Variants in TRPC7 observed in about 807,000 individuals in gnomAD.
TRPC7 encodes transient receptor potential cation channel subfamily C member 7.
In TRPC7, 42 loss-of-function variants were observed where a neutral mutation model predicts 90.1. That is an observed-to-expected ratio of 0.47 (90% CI 0.36 to 0.60). TRPC7 has a LOEUF of 0.60. Ranked by LOEUF, TRPC7 falls within the 20% of genes least tolerant of loss-of-function variation. The pLI is 0.00. For missense variants in TRPC7, 955 were observed against 1,112.3 expected (o/e 0.86, Z 2.01); for synonymous variants, 451 against 436.3 (o/e 1.03, Z -0.42).
At chr5:136,259,564 C>A (rs1448757080) in intron 5 of TRPC7, among the ~76,000 whole-genome samples, 1 of 152,238 alleles carries the variant, frequency 6.6e-6, no homozygotes, top group Non-Finnish European at 1.5e-5. Context: ...TGACCGCTTT[C>A]TGGGAACTAC....
At chr5:136,274,587 G>T in intron 4 of TRPC7, 86 bp downstream of exon 4, 2 of 1,315,154 alleles carry the variant, frequency 1.5e-6, no homozygotes, top group Non-Finnish European at 9.8e-7. Flanking sequence ...AAAATCAGCT[G>T]CTAATTTGAA....
intron 3 of TRPC7, among the ~76,000 whole-genome samples, chr5:136,292,630 T>A (rs1383829332): frequency 1.3e-5 from 2 of 152,116 alleles, no homozygotes; most frequent in African/African-American, 4.8e-5. Flanking sequence ...AATAACAGGC[T>A]CTGAAATTGA....
At chr5:136,318,622 T>C (rs1759100380) in intron 2 of TRPC7, among the ~76,000 whole-genome samples, 1 of 152,196 alleles carries the variant, frequency 6.6e-6, no homozygotes, top group African/African-American at 2.4e-5. Context: ...TTCATTTCCT[T>C]GACAGCCCAT....
chr5:136,283,484 C>T (rs558614414), intron 3 of TRPC7, among the ~76,000 whole-genome samples: 2 of 152,328 alleles, frequency 1.3e-5, no homozygotes, highest in South Asian at 4.1e-4. Flanking sequence ...GGCTCCAGGC[C>T]TGCATGAGTC....
In TRPC7 at chr5:136,315,732, G is replaced by C; in HGVS notation, c.828C>G (p.Gly276=). The change falls in exon 3 of 12, where the codon GGC becomes GGG. Residue 276 remains glycine (G), a synonymous_variant. Coordinates refer to ENST00000513104, the MANE Select transcript of TRPC7 (RefSeq NM_020389.3). ...LSMQCKDFVV[G]VLDLCRDTEE... is the part of the protein sequence containing the mutation. Reference sequence around the variant, plus strand: ...CTGTGTCTCGGCACAGGTCCAGCACGCCCACTACAAAATCCTTGCATTGCA... The same window carrying C: ...CTGTGTCTCGGCACAGGTCCAGCACCCCCACTACAAAATCCTTGCATTGCA... The C allele has an allele frequency of 6.2e-7, 1 of 1,613,976 alleles. No individual in the cohort carries two copies.
intron 2 of TRPC7, among the ~76,000 whole-genome samples, chr5:136,338,397 G>A (rs1314085443): frequency 6.6e-6 from 1 of 152,100 alleles, no homozygotes; most frequent in African/African-American, 2.4e-5. Context: ...ACAATAACTA[G>A]AGCTTGTATC....
At position 136,225,265 on chromosome 5, in the gene TRPC7, G is replaced by A. The variant is rs1168673361; in HGVS notation, c.2343+9C>T. 1 of 1,612,098 alleles carries A rather than the reference G, an allele frequency of 6.2e-7. No individual in the cohort carries two copies. The highest frequency in any genetic ancestry group is 1.7e-5 in the Admixed American group (1 of 59,828). On this transcript the variant is annotated intron_variant, in intron 10 of 11. Coordinates refer to ENST00000513104, the MANE Select transcript of TRPC7 (RefSeq NM_020389.3). Reference sequence around the variant, plus strand: ...CCCATGCTTGGATGCTTGGGAAAGGGGTGGTTACCTGGTATCTGGTGGGCT... The same window carrying A: ...CCCATGCTTGGATGCTTGGGAAAGGAGTGGTTACCTGGTATCTGGTGGGCT...
intron 7 of TRPC7, among the ~76,000 whole-genome samples, chr5:136,245,741 G>A (rs867810176): frequency 3.3e-5 from 5 of 152,210 alleles, no homozygotes; most frequent in Non-Finnish European, 1.5e-5. Context: ...AACTGAGTGG[G>A]TCTGGGGCAG....
At chr5:136,298,752 C>T (rs539994897) in intron 3 of TRPC7, among the ~76,000 whole-genome samples, 1 of 152,316 alleles carries the variant, frequency 6.6e-6, no homozygotes, top group South Asian at 2.1e-4. Context: ...TTTCTGAAAC[C>T]CTCTCTTAGC....
chr5:136,340,579 C>A (rs954756422), intron 2 of TRPC7, among the ~76,000 whole-genome samples: 1 of 151,662 alleles, frequency 6.6e-6, no homozygotes, highest in Non-Finnish European at 1.5e-5. Flanking sequence ...TTATTATTTA[C>A]CAATAAAAAT....
chr5:136,250,812 G>T (rs1756493976), intron 6 of TRPC7, among the ~76,000 whole-genome samples: 1 of 152,054 alleles, frequency 6.6e-6, no homozygotes, highest in Non-Finnish European at 1.5e-5. Context: ...ACCGAACTAG[G>T]ATTTGAATCC....
chr5:136,276,032 T>A lies in TRPC7; in HGVS notation c.964-1195A>T, dbSNP rs1488880132. 2.6e-5 allele frequency among the ~76,000 whole-genome samples: 4 copies of A among 152,334 alleles called. No individual in the cohort carries two copies. The East Asian group carries it at 7.7e-4, about 29-fold the overall frequency. On this transcript the variant is annotated intron_variant, in intron 3 of 11. Coordinates refer to ENST00000513104, the MANE Select transcript of TRPC7 (RefSeq NM_020389.3). Reference sequence around the variant, plus strand: ...TTTGTTTTTTGCTTGATCCAGCATATTGGCTTTAGTTGTTGCTACCAGAAC... The same window carrying A: ...TTTGTTTTTTGCTTGATCCAGCATAATGGCTTTAGTTGTTGCTACCAGAAC...
intron 5 of TRPC7, 114 bp downstream of exon 5, chr5:136,266,106 A>G: frequency 1.1e-6 from 1 of 930,770 alleles, no homozygotes; most frequent in Non-Finnish European, 1.7e-6. Context: ...TCCACTCACC[A>G]TTTTGTCTAT....
chr5:136,291,899 A>T (rs1394845393), intron 3 of TRPC7, among the ~76,000 whole-genome samples: 1 of 152,054 alleles, frequency 6.6e-6, no homozygotes, highest in Non-Finnish European at 1.5e-5. Context: ...GAAGTAAAGC[A>T]CTCCTCAGCA....
intron 3 of TRPC7, among the ~76,000 whole-genome samples, chr5:136,299,340 CGTGTGTGTGTGTGTGTGTGTGTGTGT>C (rs529330866): frequency 8.2e-6 from 1 of 122,688 alleles, no homozygotes; most frequent in East Asian, 2.4e-4. Context: ...GGGGTGTGTG[CGTGTGTGTGTGTGTGTGTGTGTGTGT>C]GTGTGTGTGT....
Position 136,357,293 on chromosome 5 carries a change from A to G in TRPC7, c.95T>C (p.Met32Thr). ...CAGACTGGTGCCCTTCTCGTTGAACATGTAGGCGGGACCCCGGATGGCCTG... is the reference window on the plus strand; with the variant it reads ...CAGACTGGTGCCCTTCTCGTTGAACGTGTAGGCGGGACCCCGGATGGCCTG... ...RRQAIRGPAY[M>T]FNEKGTSLTP... is the part of the protein sequence containing the mutation. The change falls in exon 2 of 12, where the codon ATG (methionine) becomes ACG (threonine). Residue 32 changes from methionine (M) to threonine (T), a missense_variant. By Grantham distance (81) the Met-to-Thr change is moderately conservative (BLOSUM62 -1). Around this residue, in one of 4 missense-constraint regions of TRPC7, gnomAD observed 161 missense variants for 145.7 expected, o/e 1.10. Coordinates refer to ENST00000513104, the MANE Select transcript of TRPC7 (RefSeq NM_020389.3). 1 of 1,612,134 alleles carries G rather than the reference A, an allele frequency of 6.2e-7. No individual in the cohort carries two copies. Among genetic ancestry groups the G allele is most frequent in the Non-Finnish European group, 8.5e-7 (1 of 1,179,872 alleles).
At chr5:136,255,327 A>AT (rs1310768018) in intron 5 of TRPC7, among the ~76,000 whole-genome samples, 1 of 152,216 alleles carries the variant, frequency 6.6e-6, no homozygotes. Flanking sequence ...GTCTTAAGAA[A>AT]TTGCCACGGC....
At chr5:136,309,337 C>A (rs1758752407) in intron 3 of TRPC7, among the ~76,000 whole-genome samples, 1 of 152,226 alleles carries the variant, frequency 6.6e-6, no homozygotes, top group Admixed American at 6.5e-5. Flanking sequence ...CCAGTCTTGG[C>A]AGGACTATCA....
At position 136,227,557 on chromosome 5, in the gene TRPC7, C is replaced by A. The variant is rs569027192; in HGVS notation, c.2041-1302G>T. Reference sequence around the variant, plus strand: ...TGACCACTTTGCTTTTGTTGAGGATCAACACTGGTCCTGGTCTACTTGGGG... The same window carrying A: ...TGACCACTTTGCTTTTGTTGAGGATAAACACTGGTCCTGGTCTACTTGGGG... On this transcript the variant is annotated intron_variant, in intron 8 of 11. Transcript: ENST00000513104. Among the ~76,000 whole-genome samples, 15 of 152,176 alleles carry A rather than the reference C, an allele frequency of 9.9e-5. No homozygotes were observed. The South Asian group carries it at 1.9e-3, about 19-fold the overall frequency.
Sources: allele counts gnomAD v4.1 joint callset (sites outside exome capture counted in the v4.1 genomes callset), GRCh38; gene constraint gnomAD v4.1.1; regional missense constraint gnomAD v4.1.1; transcripts MANE v1.5; gene names NCBI Gene and HGNC (gene_info 2026-07-23, HGNC 2026-07-21).